CRYL1: variants seen among roughly 807,000 people sequenced by gnomAD.
CRYL1 encodes crystallin lambda 1, also known as lambda-crystallin homolog.
CRYL1 carries 29 observed loss-of-function variants against 36.6 expected under a neutral mutation model. The observed-to-expected ratio is 0.79, with a 90% CI of 0.59 to 1.08. CRYL1 has a LOEUF of 1.08. Ranked by LOEUF, CRYL1 falls within the 50% of genes least tolerant of loss-of-function variation. The pLI is 0.00. For synonymous variants in CRYL1, 152 were observed against 151.5 expected, an observed-to-expected ratio of 1.00 and a Z score of -0.02; for missense variants, 411 against 407.9, an observed-to-expected ratio of 1.01 and a Z score of -0.06.
chr13:20,516,190 C>CAAAAAAAAA (rs35780379), intron 1 of CRYL1, among the ~76,000 whole-genome samples: 1 of 73,276 alleles, frequency 1.4e-5, no homozygotes, highest in Non-Finnish European at 2.4e-5. Flanking sequence ...AACTCCATCT[C>CAAAAAAAAA]AAAAAAAAAA....
chr13:20,461,819 G>A (rs906832255), intron 3 of CRYL1, among the ~76,000 whole-genome samples: 4 of 151,514 alleles, frequency 2.6e-5, no homozygotes, highest in African/African-American at 9.7e-5. Context: ...CCTGAGAGAG[G>A]AAAGCAGTAC....
At chr13:20,440,783 C>G (rs909991088) in intron 3 of CRYL1, among the ~76,000 whole-genome samples, 2 of 152,152 alleles carry the variant, frequency 1.3e-5, no homozygotes, top group Non-Finnish European at 2.9e-5. Flanking sequence ...TCTCCATTTC[C>G]AAAAATCCAA....
intron 3 of CRYL1, among the ~76,000 whole-genome samples, chr13:20,476,290 G>A (rs774740020): frequency 2.6e-5 from 4 of 151,500 alleles, no homozygotes; most frequent in Non-Finnish European, 4.4e-5. Context: ...GGGAGGCAGA[G>A]GCTGCAGTGA....
At chr13:20,424,877 TA>T (rs1013567429) in intron 5 of CRYL1, among the ~76,000 whole-genome samples, 145 of 151,694 alleles carry the variant, frequency 9.6e-4, no homozygotes, top group South Asian at 3.8e-3. Flanking sequence ...TGTTGTGTCT[TA>T]AAAAAAAATC....
chr13:20,436,783 C>G (rs1203401436), intron 4 of CRYL1, among the ~76,000 whole-genome samples: 1 of 152,150 alleles, frequency 6.6e-6, no homozygotes, highest in Non-Finnish European at 1.5e-5. Flanking sequence ...TCCACTTTGG[C>G]ACGGCATGAA....
chr13:20,425,614 A>G lies in CRYL1; in HGVS notation c.633+6488T>C, dbSNP rs1271690313. On this transcript the variant is annotated intron_variant, in intron 5 of 7. Coordinates refer to ENST00000298248, the MANE Select transcript of CRYL1 (RefSeq NM_015974.3). This position sits in a 1 kb window ranked among gnomAD's most constrained non-coding sequence, Gnocchi z 4.4. The stretch of plus-strand genomic sequence containing the variant: ...TGTTGGTTGATAAGAGGAGAGAAGA[A>G]ATCAAAGGACCATTCACCTCCAAGT... Among the ~76,000 whole-genome samples the G allele has an allele frequency of 6.6e-6, 1 of 152,184 alleles. No individual in the cohort carries two copies. Among genetic ancestry groups the G allele is most frequent in the East Asian group, 1.9e-4 (1 of 5,198 alleles).
At chr13:20,473,913 G>T (rs1393443874) in intron 3 of CRYL1, among the ~76,000 whole-genome samples, 1 of 152,076 alleles carries the variant, frequency 6.6e-6, no homozygotes, top group Non-Finnish European at 1.5e-5. Flanking sequence ...GGGTAATTTA[G>T]TTAACATAGC....
chr13:20,520,355 G>A (rs558081694), intron 1 of CRYL1, among the ~76,000 whole-genome samples: 1 of 149,816 alleles, frequency 6.7e-6, no homozygotes, highest in Non-Finnish European at 1.5e-5. Flanking sequence ...CCTGGAGAGG[G>A]GAAGCAATCA....
At position 20,437,515 on chromosome 13, in the gene CRYL1, G is replaced by A. The variant is rs145300193; in HGVS notation, c.438+2078C>T. Among the ~76,000 whole-genome samples, 44 of 152,224 alleles carry A rather than the reference G, an allele frequency of 2.9e-4. No homozygotes were observed. In the East Asian group the frequency reaches 8.1e-3, roughly 28 times the overall value. On this transcript the variant is annotated intron_variant, in intron 4 of 7. Transcript: ENST00000298248. The stretch of plus-strand genomic sequence containing the variant: ...GTAGAGACGGGGTTTCACCGTGTTA[G>A]CCAGGATGGTTTCGATCTCCTGACC...
At chr13:20,453,923 T>C (rs2032624089) in intron 3 of CRYL1, among the ~76,000 whole-genome samples, 1 of 152,176 alleles carries the variant, frequency 6.6e-6, no homozygotes, top group South Asian at 2.1e-4. Context: ...GACTGATTAC[T>C]TGAAAGACAC....
intron 2 of CRYL1, among the ~76,000 whole-genome samples, chr13:20,493,929 T>A (rs1241186238): frequency 1.3e-5 from 2 of 152,214 alleles, no homozygotes; most frequent in African/African-American, 4.8e-5. Context: ...GCCGCAGAGA[T>A]GGTGTCCTGT....
intron 6 of CRYL1, among the ~76,000 whole-genome samples, chr13:20,410,358 G>C (rs570530933): frequency 1.5e-5 from 2 of 137,290 alleles, no homozygotes; most frequent in Admixed American, 1.6e-4. Context: ...ACAGGAAGGG[G>C]AACATCACAC....
intron 5 of CRYL1, chr13:20,426,612 A>T: frequency 1.3e-6 from 1 of 783,518 alleles, no homozygotes; most frequent in Non-Finnish European, 1.5e-6. Context: ...AGACACACAG[A>T]GACACATACA....
In CRYL1 at chr13:20,417,398, C is replaced by T. The variant is rs1406505983; in HGVS notation, c.634-4011G>A. 2.6e-5 allele frequency among the ~76,000 whole-genome samples: 4 copies of T among 152,266 alleles called. 1 individual carries two copies. Among genetic ancestry groups the T allele is most frequent in the African/African-American group, 9.6e-5 (4 of 41,554 alleles). On this transcript the variant is annotated intron_variant, in intron 5 of 7. Coordinates refer to ENST00000298248, the MANE Select transcript of CRYL1 (RefSeq NM_015974.3). ...ACAAGCGATTCCTTATAATAGGTGA[C>T]GGGCAACACAGCTGTGCGGAGATGG...
At chr13:20,413,475 G>T in intron 5 of CRYL1, 88 bp from the exon 6 acceptor site, 1 of 788,382 alleles carries the variant, frequency 1.3e-6, no homozygotes. Flanking sequence ...TTTAGAGCAG[G>T]ATCCCAAAAT....
In CRYL1 at chr13:20,516,190, C is replaced by CAAAAAAA. The variant is rs35780379; in HGVS notation, c.42-3647_42-3641dup. Among the ~76,000 whole-genome samples the CAAAAAAA allele has an allele frequency of 9.6e-5, 7 of 73,236 alleles. 2 individuals carry two copies. Among genetic ancestry groups the CAAAAAAA allele is most frequent in the Admixed American group, 1.9e-4 (1 of 5,158 alleles). The allele number at this position is 73,236 out of a possible 152,430, so 48.0% of individuals were successfully genotyped here. A position where few individuals can be genotyped will look rare whatever the true frequency, so the allele number is the denominator to read the frequency against. ...TGGGCGAAAGAGCAAAACTCCATCT[C>CAAAAAAA]AAAAAAAAAAAAAAAAAAAAAGGCA... On this transcript the variant is annotated intron_variant, in intron 1 of 7. Transcript: ENST00000298248.
Position 20,489,385 on chromosome 13 carries a change from A to G in CRYL1, c.261T>C (p.Gly87=), listed in dbSNP as rs14236. ...CTTCACTCACCTGAATGTGCATGGCACCCTCTACTGCTTCTTGGATATTGG... is the reference window on the plus strand; with the variant it reads ...CTTCACTCACCTGAATGTGCATGGCGCCCTCTACTGCTTCTTGGATATTGG... ...GCPNIQEAVE[G]AMHIQECVPE... is the part of the protein sequence containing the mutation. The change falls in exon 3 of 8, where the codon GGT becomes GGC. Residue 87 remains glycine, a synonymous_variant. Transcript: ENST00000298248. 0.23 allele frequency: 376,932 copies of G among 1,612,752 alleles called. 46,947 individuals carry two copies. Among genetic ancestry groups the G allele is most frequent in the African/African-American group, 0.45 (33,817 of 74,920 alleles).
chr13:20,516,692 T>G (rs1038945157), intron 1 of CRYL1, among the ~76,000 whole-genome samples: 1 of 151,952 alleles, frequency 6.6e-6, no homozygotes. Flanking sequence ...ATGTTAGCCA[T>G]GATGGTCTCG....
rs147337213 is a variant in CRYL1 at position 20,507,028 on chromosome 13, C to T, written c.149+5415G>A. 1.9e-3 allele frequency among the ~76,000 whole-genome samples: 285 copies of T among 152,290 alleles called. 2 individuals carry two copies. Among genetic ancestry groups the T allele is most frequent in the African/African-American group, 5.8e-3 (242 of 41,564 alleles). On this transcript the variant is annotated intron_variant, in intron 2 of 7. Coordinates refer to ENST00000298248, the MANE Select transcript of CRYL1 (RefSeq NM_015974.3). The stretch of plus-strand genomic sequence containing the variant: ...CACGAGATCTGATGGTTTTATAAAG[C>T]GGAGTTTCCCTGCACAAGTTCTCTT...
Sources: allele counts gnomAD v4.1 joint callset (sites outside exome capture counted in the v4.1 genomes callset), GRCh38; gene constraint gnomAD v4.1.1; non-coding constraint Gnocchi (gnomAD v3.1); transcripts MANE v1.5; gene names NCBI Gene and HGNC (gene_info 2026-07-23, HGNC 2026-07-21).